The following ARIH1 variants were observed in gnomAD, a reference collection of about 807,000 sequenced individuals.
The protein encoded by ARIH1 is ariadne RBR E3 ubiquitin protein ligase 1.
In ARIH1, 8 loss-of-function variants were observed where a neutral mutation model predicts 85.0. That is an observed-to-expected ratio of 0.09 (90% CI 0.06 to 0.17). The LOEUF (loss-of-function observed/expected upper bound fraction) is 0.17, where lower values mean the gene tolerates loss of function less well. Ranked by LOEUF, ARIH1 falls within the 10% of genes least tolerant of loss-of-function variation. The probability of loss-of-function intolerance (pLI) is 1.00; values close to 1 mark genes in which losing one functional copy is unlikely to be tolerated. For synonymous variants in ARIH1, 238 were observed against 253.6 expected, an observed-to-expected ratio of 0.94 and a Z score of 0.59; for missense variants, 311 against 718.1, an observed-to-expected ratio of 0.43 and a Z score of 6.48.
At chr15:72,560,897 A>G (rs1366267021) in intron 5 of ARIH1, among the ~76,000 whole-genome samples, 1 of 152,134 alleles carries the variant, frequency 6.6e-6, no homozygotes, top group Non-Finnish European at 1.5e-5. Context: ...ACTACGTGGG[A>G]TCCTGTGAAT....
intron 2 of ARIH1, among the ~76,000 whole-genome samples, chr15:72,525,233 A>G (rs1250414508): frequency 2.0e-5 from 3 of 152,204 alleles, no homozygotes; most frequent in Non-Finnish European, 4.4e-5. Context: ...ATAGATCATC[A>G]TCGGGGGAAA....
intron 3 of ARIH1, among the ~76,000 whole-genome samples, chr15:72,546,740 TTTTG>T (rs1198291745): frequency 4.0e-5 from 6 of 151,408 alleles, no homozygotes; most frequent in Non-Finnish European, 2.9e-5. Flanking sequence ...TGTGTGTGTG[TTTTG>T]TTTGTTTGTT....
intron 1 of ARIH1, among the ~76,000 whole-genome samples, chr15:72,494,625 A>G (rs948356372): frequency 6.6e-6 from 1 of 152,180 alleles, no homozygotes; most frequent in Non-Finnish European, 1.5e-5. Flanking sequence ...AACAACTTTA[A>G]ACTTTTAAAT....
At position 72,583,431 on chromosome 15, in the gene ARIH1, A is replaced by G. The variant is rs568813956; in HGVS notation, c.*139A>G. 3.4e-6 allele frequency: 2 copies of G among 585,320 alleles called. 1 individual carries two copies. The highest frequency in any genetic ancestry group is 5.7e-5 in the South Asian group (2 of 34,990). 36.3% of individuals were successfully genotyped at this position (585,320 alleles called of 1,614,324 possible). ...CTGTAGTACCAGAATTGTTTTGTTA[A>G]TGGAAAGTTTAAGTAAATTATATTG... On this transcript the variant is annotated 3_prime_UTR_variant, in exon 14 of 14. Coordinates refer to ENST00000379887, the MANE Select transcript of ARIH1 (RefSeq NM_005744.5).
chr15:72,496,338 T>C (rs532041097), intron 1 of ARIH1, among the ~76,000 whole-genome samples: 1 of 152,308 alleles, frequency 6.6e-6, no homozygotes, highest in African/African-American at 2.4e-5. Flanking sequence ...AAGGCAGGAA[T>C]GTAGAATGGC....
At chr15:72,513,114 C>T (rs1156853469) in intron 1 of ARIH1, among the ~76,000 whole-genome samples, 7 of 152,054 alleles carry the variant, frequency 4.6e-5, no homozygotes, top group East Asian at 1.9e-4. Context: ...AAGATCTGAG[C>T]GGTTGCCCTG....
chr15:72,581,785 A>G (rs1009835922), intron 12 of ARIH1: 9 of 230,196 alleles, frequency 3.9e-5, no homozygotes, highest in African/African-American at 1.8e-4. Flanking sequence ...AGCAGCTCTC[A>G]GAACGAGAAG....
intron 1 of ARIH1, among the ~76,000 whole-genome samples, chr15:72,493,826 A>G (rs1408629517): frequency 2.0e-5 from 3 of 152,190 alleles, no homozygotes; most frequent in Admixed American, 2.0e-4. Flanking sequence ...TAAAAAGTTA[A>G]AACAGTCTTA....
chr15:72,479,410 CT>C (rs571973932), intron 1 of ARIH1, among the ~76,000 whole-genome samples: 298 of 144,436 alleles, frequency 2.1e-3, no homozygotes, highest in Middle Eastern at 3.5e-3. Flanking sequence ...TGCTAAATAA[CT>C]TTTTTTTTTT....
intron 11 of ARIH1, among the ~76,000 whole-genome samples, chr15:72,576,175 T>TA (rs2140438243): frequency 6.6e-6 from 1 of 151,288 alleles, no homozygotes; most frequent in East Asian, 1.9e-4. Context: ...AAAGAGGAGG[T>TA]AAGGATAAAG....
At chr15:72,549,674 A>G (rs2064145251) in intron 3 of ARIH1, among the ~76,000 whole-genome samples, 2 of 152,066 alleles carry the variant, frequency 1.3e-5, no homozygotes, top group Admixed American at 1.3e-4. Flanking sequence ...GGTTATATGG[A>G]CAACTTATTA....
chr15:72,567,521 C>T (rs571503044), intron 9 of ARIH1, among the ~76,000 whole-genome samples: 35 of 152,290 alleles, frequency 2.3e-4, no homozygotes, highest in African/African-American at 5.8e-4. Context: ...GAGTTTACTC[C>T]GCCTAGCTTG....
At chr15:72,573,835 G>A (rs2064258726) in intron 11 of ARIH1, among the ~76,000 whole-genome samples, 1 of 152,054 alleles carries the variant, frequency 6.6e-6, no homozygotes, top group African/African-American at 2.4e-5. Flanking sequence ...TGTTGTTGGG[G>A]TTTTAAAAAT....
intron 6 of ARIH1, among the ~76,000 whole-genome samples, chr15:72,563,138 C>T (rs1317338879): frequency 6.6e-6 from 1 of 152,218 alleles, no homozygotes; most frequent in Non-Finnish European, 1.5e-5. Context: ...GCAGCCTCTA[C>T]TTCCTGGGCT....
At chr15:72,537,594 C>T (rs2064088333) in intron 2 of ARIH1, among the ~76,000 whole-genome samples, 2 of 152,098 alleles carry the variant, frequency 1.3e-5, no homozygotes, top group African/African-American at 2.4e-5. Context: ...CTTATTCATT[C>T]GTATGATTTA....
intron 2 of ARIH1, among the ~76,000 whole-genome samples, chr15:72,538,206 T>G (rs1261018400): frequency 6.6e-6 from 1 of 151,764 alleles, no homozygotes; most frequent in African/African-American, 2.4e-5. Flanking sequence ...TCTACTAAAA[T>G]CACAAAAAAA....
At chr15:72,569,299 C>G (rs75369320) in intron 9 of ARIH1, among the ~76,000 whole-genome samples, 4,472 of 152,152 alleles carry the variant, frequency 0.029, 120 homozygotes, top group East Asian at 0.12. Context: ...CGGTGAGACC[C>G]TGTCTCAAAA....
In ARIH1 at chr15:72,572,089, C is replaced by A; in HGVS notation, c.1158-19C>A. The A allele has an allele frequency of 6.6e-7, 1 of 1,510,448 alleles. No individual in the cohort carries two copies. The highest frequency in any genetic ancestry group is 8.9e-7 in the Non-Finnish European group (1 of 1,117,386). 93.6% of individuals were successfully genotyped at this position (1,510,448 alleles called of 1,614,324 possible). On this transcript the variant is annotated intron_variant, in intron 10 of 13. Transcript: ENST00000379887. ...TTGATTTTTTTTTTCTTTATGGAAT[C>A]CTCTTTATTTACTTGAAGGTACAAC...
chr15:72,602,581 C>T lies in ARIH1; in HGVS notation c.*19289C>T, dbSNP rs1348463660. On this transcript the variant is annotated 3_prime_UTR_variant, in exon 14 of 14. Transcript: ENST00000379887. ...AGTGGTTTCCACACCAAAAAATCCA[C>T]AGGCTCCTGAATTTTATATGGGCCT... is the stretch of plus-strand genomic sequence containing the variant. 6.6e-6 allele frequency: 1 copy of T among 152,218 alleles called. No homozygotes were observed. The highest frequency in any genetic ancestry group is 1.9e-4 in the East Asian group (1 of 5,196). 9.4% of individuals were successfully genotyped at this position (152,218 alleles called of 1,614,324 possible). A position where few individuals can be genotyped will look rare whatever the true frequency, so the allele number is the denominator to read the frequency against.
Sources: allele counts gnomAD v4.1 joint callset (sites outside exome capture counted in the v4.1 genomes callset), GRCh38; gene constraint gnomAD v4.1.1; transcripts MANE v1.5; gene names NCBI Gene and HGNC (gene_info 2026-07-23, HGNC 2026-07-21).